The following MYT1L variants were observed in gnomAD, a reference collection of about 807,000 sequenced individuals.
The protein encoded by MYT1L is myelin transcription factor 1 like.
Under a neutral mutation model 126.7 loss-of-function variants are expected in MYT1L, and 12 were observed. The observed-to-expected ratio is 0.09, with a 90% CI of 0.06 to 0.15. MYT1L has a LOEUF of 0.15. Ranked by LOEUF, MYT1L falls within the 10% of genes least tolerant of loss-of-function variation. The pLI, the probability that MYT1L is intolerant of heterozygous loss-of-function variation, is 1.00. For missense variants in MYT1L, 979 were observed against 1,585.2 expected (o/e 0.62, Z 6.49); for synonymous variants, 541 against 604.2 (o/e 0.90, Z 1.53).
intron 18 of MYT1L, among the ~76,000 whole-genome samples, chr2:1,858,233 G>A (rs1327175576): frequency 6.6e-6 from 1 of 152,178 alleles, no homozygotes; most frequent in East Asian, 1.9e-4. Flanking sequence ...GTAGAGAAAG[G>A]CAAAATAAAG....
intron 2 of MYT1L, among the ~76,000 whole-genome samples, chr2:2,177,485 C>A (rs1330951627): frequency 6.6e-6 from 1 of 152,170 alleles, no homozygotes; most frequent in African/African-American, 2.4e-5. Flanking sequence ...TCACATACGA[C>A]AACCTAGAAC....
At chr2:2,164,181 T>C (rs901333075) in intron 3 of MYT1L, among the ~76,000 whole-genome samples, 1 of 152,214 alleles carries the variant, frequency 6.6e-6, no homozygotes, top group African/African-American at 2.4e-5. Flanking sequence ...TTTAAGGCCA[T>C]ATATGTGAAT....
At chr2:2,011,491 C>T (rs536320591) in intron 4 of MYT1L, among the ~76,000 whole-genome samples, 6 of 149,052 alleles carry the variant, frequency 4.0e-5, no homozygotes, top group Non-Finnish European at 7.4e-5. Context: ...AATATGACAA[C>T]AAAAGCATGA....
chr2:1,992,266 T>C (rs2061505621), intron 5 of MYT1L, among the ~76,000 whole-genome samples: 2 of 152,222 alleles, frequency 1.3e-5, no homozygotes, highest in African/African-American at 4.8e-5. Context: ...TGTTCTTCCC[T>C]TCCGAAGCTT....
chr2:2,174,263 T>G (rs1307843269), intron 2 of MYT1L, among the ~76,000 whole-genome samples: 1 of 152,130 alleles, frequency 6.6e-6, no homozygotes, highest in Admixed American at 6.6e-5. Context: ...GTTTTATTTA[T>G]AGCAGTGCAC....
At chr2:2,132,578 G>T in intron 3 of MYT1L, among the ~76,000 whole-genome samples, 1 of 151,004 alleles carries the variant, frequency 6.6e-6, no homozygotes, top group African/African-American at 2.4e-5. Flanking sequence ...CTGTCGGGGG[G>T]TGGGGGCAAG....
chr2:2,088,377 A>G (rs2076566410), intron 3 of MYT1L, among the ~76,000 whole-genome samples: 1 of 152,222 alleles, frequency 6.6e-6, no homozygotes, highest in African/African-American at 2.4e-5. Flanking sequence ...GAGGATTCCT[A>G]TCTCAAGAGA....
chr2:2,070,450 C>T (rs2074466478), intron 3 of MYT1L, among the ~76,000 whole-genome samples: 1 of 152,116 alleles, frequency 6.6e-6, no homozygotes, highest in South Asian at 2.1e-4. Context: ...ACTGAGTGCC[C>T]AAAGCAATGA....
intron 23 of MYT1L, among the ~76,000 whole-genome samples, chr2:1,794,696 G>GCGGGCCCTCCT (rs2033053413): frequency 6.6e-6 from 1 of 152,172 alleles, no homozygotes; most frequent in African/African-American, 2.4e-5. Context: ...CCTATGTTCA[G>GCGGGCCCTCCT]GAATCTCTGT....
In MYT1L at chr2:1,806,235, C is replaced by T. The variant is rs57770613; in HGVS notation, c.3172+2841G>A. Among the ~76,000 whole-genome samples the T allele has an allele frequency of 0.042, 6,467 of 152,290 alleles. 157 individuals are homozygous for T. Among genetic ancestry groups the T allele is most frequent in the East Asian group, 0.072 (370 of 5,166 alleles). Reference sequence around the variant, plus strand: ...GAATCGACAGCCCCAGGCATCAGCACACACTTGGACTTAGGAAGACCCACT... The same window carrying T: ...GAATCGACAGCCCCAGGCATCAGCATACACTTGGACTTAGGAAGACCCACT... On this transcript the variant is annotated intron_variant, in intron 22 of 24. Coordinates refer to ENST00000647738, the MANE Select transcript of MYT1L (RefSeq NM_001303052.2). The surrounding 1 kb of genome is among the most constrained non-coding windows in gnomAD (Gnocchi z 4.9).
At chr2:2,256,527 A>C (rs558632837) in intron 2 of MYT1L, among the ~76,000 whole-genome samples, 6 of 152,202 alleles carry the variant, frequency 3.9e-5, no homozygotes, top group Non-Finnish European at 4.4e-5. Flanking sequence ...CATATTTACT[A>C]TCTGCCTTTT....
intron 10 of MYT1L, among the ~76,000 whole-genome samples, chr2:1,920,962 T>G (rs1040731503): frequency 6.6e-6 from 1 of 152,244 alleles, no homozygotes; most frequent in Non-Finnish European, 1.5e-5. Context: ...TCCCCGAGCC[T>G]CTGGCTAAGG....
At chr2:2,005,401 G>GTGCGTTCTTTCCTCA (rs1279044804) in intron 4 of MYT1L, among the ~76,000 whole-genome samples, 1 of 124,748 alleles carries the variant, frequency 8.0e-6, no homozygotes, top group Non-Finnish European at 1.6e-5. Context: ...TCTTTCCTGC[G>GTGCGTTCTTTCCTCA]TGCGTTCTTT....
intron 13 of MYT1L, among the ~76,000 whole-genome samples, chr2:1,905,108 T>G (rs1263738110): frequency 6.6e-6 from 1 of 152,096 alleles, no homozygotes; most frequent in Non-Finnish European, 1.5e-5. Context: ...AGGCTGGTCT[T>G]GAACCCTTGG....
In MYT1L at chr2:2,154,099, G is replaced by A. The variant is rs145486071; in HGVS notation, c.-304+18773C>T. On this transcript the variant is annotated intron_variant, in intron 3 of 24. Coordinates refer to ENST00000647738, the MANE Select transcript of MYT1L (RefSeq NM_001303052.2). ...TGTCCTCCTAAGGGGCTCAGCGGGC[G>A]TTTTGAAGATTGGTGACACTTCCGC... Among the ~76,000 whole-genome samples, 541 of 152,270 alleles carry A rather than the reference G, an allele frequency of 3.6e-3. 4 individuals carry two copies. The highest frequency in any genetic ancestry group is 0.012 in the African/African-American group (513 of 41,572).
chr2:2,149,273 A>C (rs1205032524), intron 3 of MYT1L, among the ~76,000 whole-genome samples: 2 of 152,208 alleles, frequency 1.3e-5, no homozygotes, highest in Non-Finnish European at 2.9e-5. Context: ...TGTCTTTAAA[A>C]CCAGCGGAAA....
chr2:2,299,280 C>G (rs985527497), intron 1 of MYT1L, among the ~76,000 whole-genome samples: 2 of 152,210 alleles, frequency 1.3e-5, no homozygotes, highest in African/African-American at 4.8e-5. Flanking sequence ...GATCCTGGCT[C>G]TACCTGACAG....
intron 2 of MYT1L, among the ~76,000 whole-genome samples, chr2:2,220,017 CA>C (rs747622864): frequency 1.3e-5 from 2 of 152,044 alleles, no homozygotes; most frequent in Non-Finnish European, 2.9e-5. Flanking sequence ...GGACACAGGA[CA>C]GGGGAAAAGC....
intron 3 of MYT1L, among the ~76,000 whole-genome samples, chr2:2,104,533 A>AG (rs1223061769): frequency 6.6e-6 from 1 of 152,242 alleles, no homozygotes; most frequent in African/African-American, 2.4e-5. Context: ...GAACGGCACA[A>AG]GGCGGTGGCT....
Sources: allele counts gnomAD v4.1 joint callset (sites outside exome capture counted in the v4.1 genomes callset), GRCh38; gene constraint gnomAD v4.1.1; non-coding constraint Gnocchi (gnomAD v3.1); transcripts MANE v1.5; gene names NCBI Gene and HGNC (gene_info 2026-07-23, HGNC 2026-07-21).